The following REEP3 variants were observed in gnomAD, a reference collection of about 807,000 sequenced individuals.
REEP3 encodes the protein receptor expression-enhancing protein 3.
A neutral mutation model predicts 41.3 loss-of-function variants in REEP3; 20 were observed. The ratio of observed to expected loss-of-function variants is 0.48; its 90% CI spans 0.34 to 0.70. REEP3 has a LOEUF of 0.70. REEP3 is among the 30% of genes least tolerant of loss of function. The probability of loss-of-function intolerance (pLI) is 0.01; values close to 1 mark genes in which losing one functional copy is unlikely to be tolerated. For missense variants in REEP3, 271 were observed against 308.8 expected, an observed-to-expected ratio of 0.88 and a Z score of 0.92; for synonymous variants, 104 against 101.8, an observed-to-expected ratio of 1.02 and a Z score of -0.13.
intron 1 of REEP3, among the ~76,000 whole-genome samples, chr10:63,550,847 A>T (rs1183273967): frequency 6.6e-6 from 1 of 152,236 alleles, no homozygotes; most frequent in African/African-American, 2.4e-5. Flanking sequence ...ATATATAGAG[A>T]TACAGGTATT....
chr10:63,604,359 G>A (rs1243039971), intron 5 of REEP3, among the ~76,000 whole-genome samples: 1 of 152,194 alleles, frequency 6.6e-6, no homozygotes, highest in Non-Finnish European at 1.5e-5. Flanking sequence ...AGAAACATAG[G>A]TGGTTTCGTG....
intron 6 of REEP3, among the ~76,000 whole-genome samples, chr10:63,611,285 C>T (rs1265800324): frequency 6.6e-6 from 1 of 152,124 alleles, no homozygotes; most frequent in Non-Finnish European, 1.5e-5. Context: ...ACACTCTTTA[C>T]TGTAAGTGCT....
chr10:63,620,773 A>G (rs778272612), intron 7 of REEP3, 40 bp from the exon 8 acceptor site: 2 of 1,338,968 alleles, frequency 1.5e-6, no homozygotes, highest in Non-Finnish European at 2.1e-6. Context: ...TTTTTAAAGT[A>G]ATCATCTAAT....
At chr10:63,532,242 G>A (rs558228283) in intron 1 of REEP3, among the ~76,000 whole-genome samples, 1 of 152,064 alleles carries the variant, frequency 6.6e-6, no homozygotes, top group Non-Finnish European at 1.5e-5. Context: ...AAAAGTCATA[G>A]GACAAATCTA....
intron 1 of REEP3, among the ~76,000 whole-genome samples, chr10:63,551,085 A>G (rs1005799957): frequency 2.6e-5 from 4 of 152,172 alleles, no homozygotes; most frequent in African/African-American, 9.7e-5. Context: ...TTCAAATACC[A>G]TTTTCCAATA....
intron 2 of REEP3, among the ~76,000 whole-genome samples, chr10:63,571,069 T>A (rs1955847625): frequency 6.6e-6 from 1 of 152,066 alleles, no homozygotes; most frequent in Non-Finnish European, 1.5e-5. Flanking sequence ...AAGTCCTGAT[T>A]GCACCACTGC....
At chr10:63,613,984 A>G (rs925840808) in intron 6 of REEP3, among the ~76,000 whole-genome samples, 9 of 152,208 alleles carry the variant, frequency 5.9e-5, no homozygotes, top group African/African-American at 2.2e-4. Context: ...TAAAAAATAC[A>G]TAAAACTCTA....
At chr10:63,591,550 T>C (rs931424567) in intron 2 of REEP3, among the ~76,000 whole-genome samples, 14 of 152,360 alleles carry the variant, frequency 9.2e-5, no homozygotes, top group Admixed American at 2.0e-4. Context: ...ATTAGATAGT[T>C]TGCTGTTGGG....
intron 5 of REEP3, among the ~76,000 whole-genome samples, chr10:63,607,617 G>C (rs1956240682): frequency 6.6e-6 from 1 of 152,072 alleles, no homozygotes; most frequent in Non-Finnish European, 1.5e-5. Flanking sequence ...CAAGAGTAAT[G>C]AAAAAGAAGG....
intron 1 of REEP3, among the ~76,000 whole-genome samples, chr10:63,565,254 C>T (rs1446635522): frequency 6.6e-6 from 1 of 152,074 alleles, no homozygotes; most frequent in Non-Finnish European, 1.5e-5. Flanking sequence ...AGCAACACTC[C>T]ATGTCAATCA....
chr10:63,525,177 C>T (rs1179527180), intron 1 of REEP3, among the ~76,000 whole-genome samples: 1 of 152,096 alleles, frequency 6.6e-6, no homozygotes, highest in African/African-American at 2.4e-5. Flanking sequence ...TGGATTGTTA[C>T]CAAGAAACTT....
At chr10:63,613,008 A>G (rs2133430858) in intron 6 of REEP3, among the ~76,000 whole-genome samples, 1 of 152,028 alleles carries the variant, frequency 6.6e-6, no homozygotes, top group South Asian at 2.1e-4. Flanking sequence ...GTACTCACCT[A>G]TCAATTTTTT....
At chr10:63,528,577 C>T (rs560270067) in intron 1 of REEP3, among the ~76,000 whole-genome samples, 2 of 152,324 alleles carry the variant, frequency 1.3e-5, no homozygotes, top group South Asian at 4.1e-4. Flanking sequence ...TCATGTGACT[C>T]GTCTGCTCAC....
chr10:63,603,994 T>G (rs1210176338), intron 5 of REEP3, among the ~76,000 whole-genome samples: 1 of 152,218 alleles, frequency 6.6e-6, no homozygotes, highest in Non-Finnish European at 1.5e-5. Flanking sequence ...AAGCCAACAG[T>G]AAGATCTGAA....
rs535385997 is a variant in REEP3, at chr10:63,623,496, G to A, written c.*2627G>A. 2.0e-5 allele frequency: 3 copies of A among 152,364 alleles called. No individual in the cohort carries two copies. In the South Asian group the frequency reaches 6.2e-4, roughly 32 times the overall value. The allele number at this position is 152,364 out of a possible 1,614,324, so 9.4% of individuals were successfully genotyped here. A position where few individuals can be genotyped will look rare whatever the true frequency, so the allele number is the denominator to read the frequency against. On this transcript the variant is annotated 3_prime_UTR_variant, in exon 8 of 8. Transcript: ENST00000373758. Reference sequence around the variant, plus strand: ...GATTAGATGCACAAACCTATTTAGGGAACTATTTTGGTAGATGTTTGAGTT... The same window carrying A: ...GATTAGATGCACAAACCTATTTAGGAAACTATTTTGGTAGATGTTTGAGTT...
chr10:63,525,958 A>G (rs994180105), intron 1 of REEP3, among the ~76,000 whole-genome samples: 4 of 152,218 alleles, frequency 2.6e-5, no homozygotes, highest in Non-Finnish European at 4.4e-5. Context: ...TAAATACATT[A>G]CTATATGTAA....
At chr10:63,568,299 C>T (rs1377759284) in intron 2 of REEP3, among the ~76,000 whole-genome samples, 1 of 147,660 alleles carries the variant, frequency 6.8e-6, no homozygotes, top group South Asian at 2.1e-4. Flanking sequence ...CGGAGTCTTG[C>T]TCTGTCACCC....
chr10:63,611,376 A>G (rs182078311), intron 6 of REEP3, among the ~76,000 whole-genome samples: 1 of 152,248 alleles, frequency 6.6e-6, no homozygotes, highest in Admixed American at 6.5e-5. Flanking sequence ...AAATAAGATT[A>G]CTCCCATGGA....
chr10:63,524,689 G>A (rs750927766), intron 1 of REEP3, among the ~76,000 whole-genome samples: 8 of 151,944 alleles, frequency 5.3e-5, no homozygotes, highest in Non-Finnish European at 1.0e-4. Context: ...CAAGTGATCC[G>A]CCCACCTTCC....
Sources: gnomAD v4.1 joint callset for allele counts (sites outside exome capture counted in the v4.1 genomes callset) on GRCh38, gnomAD v4.1.1 for gene constraint, MANE v1.5 for transcripts, NCBI Gene and HGNC (gene_info 2026-07-23, HGNC 2026-07-21) for gene names.